PEBP1: variants seen among roughly 807,000 people sequenced by gnomAD.
PEBP1 encodes phosphatidylethanolamine-binding protein 1.
Under a neutral mutation model 22.7 loss-of-function variants are expected in PEBP1, and 17 were observed. The ratio of observed to expected loss-of-function variants is 0.75; its 90% confidence interval spans 0.51 to 1.12. PEBP1 has a LOEUF of 1.12. PEBP1 is among the 50% of genes most tolerant of loss of function. The probability of loss-of-function intolerance (pLI) is 0.00; values close to 1 mark genes in which losing one functional copy is unlikely to be tolerated. For missense variants in PEBP1, 205 were observed against 243.5 expected, an observed-to-expected ratio of 0.84 and a Z score of 1.05; for synonymous variants, 106 against 104.3, an observed-to-expected ratio of 1.02 and a Z score of -0.10.
At position 118,144,847 on chromosome 12, in the gene PEBP1, A is replaced by G. The variant is rs752418222; in HGVS notation, c.*44A>G. 1.2e-6 allele frequency: 2 copies of G among 1,612,326 alleles called. No homozygotes were observed. Among genetic ancestry groups the G allele is most frequent in the Admixed American group, 3.3e-5 (2 of 60,004 alleles). On this transcript the variant is annotated 3_prime_UTR_variant, in exon 4 of 4. Transcript: ENST00000261313. ...TGAACTGTCCTGGAGGCCCCAAGCC[A>G]TGTTCCCCAGTTCAGTGTTGCATGT... is the stretch of plus-strand genomic sequence containing the variant.
At chr12:118,137,935 C>A in intron 1 of PEBP1, 104 bp from the exon 2 acceptor site, 1 of 754,112 alleles carries the variant, frequency 1.3e-6, no homozygotes, top group Non-Finnish European at 2.3e-6. Context: ...GATCCTCTCT[C>A]CTAGGCCTCC....
intron 3 of PEBP1, among the ~76,000 whole-genome samples, chr12:118,142,246 G>A (rs979047789): frequency 5.4e-5 from 8 of 147,686 alleles, no homozygotes; most frequent in Non-Finnish European, 8.9e-5. Flanking sequence ...AGGCTGGAGT[G>A]CAATGGTGTG....
intron 2 of PEBP1, among the ~76,000 whole-genome samples, chr12:118,138,568 T>A (rs1219999367): frequency 2.6e-5 from 4 of 151,836 alleles, no homozygotes; most frequent in Non-Finnish European, 4.4e-5. Context: ...CTGGCTAATT[T>A]TTGTATTTTT....
rs1283077154 is a variant in PEBP1, at chr12:118,136,189, C to G, written c.-21C>G. 2.6e-6 allele frequency: 4 copies of G among 1,542,798 alleles called. No individual in the cohort carries two copies. In the East Asian group the frequency reaches 7.3e-5, roughly 28 times the overall value. ...TGGCCTACCGCGGCACTCCCGGCTGCACGCTCTGCTTGGCCTCGCCATGCC... is the reference window on the plus strand; with the variant it reads ...TGGCCTACCGCGGCACTCCCGGCTGGACGCTCTGCTTGGCCTCGCCATGCC... On this transcript the variant is annotated 5_prime_UTR_variant, in exon 1 of 4. Coordinates refer to ENST00000261313, the MANE Select transcript of PEBP1 (RefSeq NM_002567.4). This position sits in a 1 kb window ranked among gnomAD's most constrained non-coding sequence, Gnocchi z 5.6.
intron 2 of PEBP1, among the ~76,000 whole-genome samples, chr12:118,138,356 A>G (rs908911216): frequency 4.6e-5 from 7 of 152,100 alleles, no homozygotes; most frequent in Admixed American, 1.3e-4. Flanking sequence ...GCCTGTTTTT[A>G]TACAGCCCCA....
chr12:118,142,247 C>T (rs763274559), intron 3 of PEBP1, among the ~76,000 whole-genome samples: 120 of 146,860 alleles, frequency 8.2e-4, no homozygotes, highest in Admixed American at 1.9e-3. Context: ...GGCTGGAGTG[C>T]AATGGTGTGA....
At position 118,144,194 on chromosome 12, in the gene PEBP1, T is replaced by A. The variant is rs181406722; in HGVS notation, c.347-392T>A. ...GTGAAATGGGTGTTCTGATGGGGGG[T>A]GGTGGGTGGTGACTTGAGAAGGTCC... On this transcript the variant is annotated intron_variant, in intron 3 of 3. Coordinates refer to ENST00000261313, the MANE Select transcript of PEBP1 (RefSeq NM_002567.4). 4.8e-4 allele frequency among the ~76,000 whole-genome samples: 72 copies of A among 149,806 alleles called. No individual in the cohort carries two copies. The East Asian group carries it at 0.013, about 28-fold the overall frequency.
chr12:118,138,275 G>A, intron 2 of PEBP1, 127 bp downstream of exon 2: 1 of 674,140 alleles, frequency 1.5e-6, no homozygotes, highest in Non-Finnish European at 2.6e-6. Context: ...GCCAGAGAGT[G>A]CCTTTCCTGC....
At position 118,144,594 on chromosome 12, in the gene PEBP1, C is replaced by T. The variant is rs746971283; in HGVS notation, c.355C>T (p.Arg119Cys). The change falls in exon 4 of 4, where the codon CGC becomes TGC. Residue 119 changes from arginine (R) to cysteine (C), a missense_variant. Physicochemically the swap from Arg to Cys is radical, Grantham distance 180. Coordinates refer to ENST00000261313, the MANE Select transcript of PEBP1 (RefSeq NM_002567.4). ...SGPPKGTGLH[R>C]YVWLVYEQDR... ...TCTGCCTCTCCCCACAGGCCTCCACCGCTATGTCTGGCTGGTTTACGAGCA... is the reference window on the plus strand; with the variant it reads ...TCTGCCTCTCCCCACAGGCCTCCACTGCTATGTCTGGCTGGTTTACGAGCA... The T allele has an allele frequency of 2.9e-5, 46 of 1,612,534 alleles. No individual in the cohort carries two copies. Among genetic ancestry groups the T allele is most frequent in the Non-Finnish European group, 3.4e-5 (40 of 1,179,426 alleles).
intron 1 of PEBP1, among the ~76,000 whole-genome samples, chr12:118,137,387 T>A (rs1485363036): frequency 6.6e-6 from 1 of 151,978 alleles, no homozygotes; most frequent in African/African-American, 2.4e-5. Flanking sequence ...AGACCCCAAC[T>A]CTACAAAAAA....
At position 118,136,272 on chromosome 12, in the gene PEBP1, G is replaced by T; in HGVS notation, c.63G>T (p.Pro21=). The T allele has an allele frequency of 6.5e-7, 1 of 1,547,064 alleles. No homozygotes were observed. ...PLSLQEVDEQ[P]QHPLHVTYAG... Reference sequence around the variant, plus strand: ...GCCTGCAAGAAGTGGACGAGCAGCCGCAGCACCCGCTGCATGTCACCTACG... The same window carrying T: ...GCCTGCAAGAAGTGGACGAGCAGCCTCAGCACCCGCTGCATGTCACCTACG... Residue 21 remains proline, a synonymous_variant, in exon 1 of 4, where the codon CCG becomes CCT. Coordinates refer to ENST00000261313, the MANE Select transcript of PEBP1 (RefSeq NM_002567.4). The surrounding 1 kb of genome is among the most constrained non-coding windows in gnomAD (Gnocchi z 5.6).
At chr12:118,140,155 G>A (rs1293944981) in intron 3 of PEBP1, among the ~76,000 whole-genome samples, 1 of 152,110 alleles carries the variant, frequency 6.6e-6, no homozygotes, top group Non-Finnish European at 1.5e-5. Context: ...AAAGCCCACC[G>A]TATTGAAACT....
intron 3 of PEBP1, among the ~76,000 whole-genome samples, chr12:118,143,853 C>T (rs904920244): frequency 2.7e-5 from 4 of 147,964 alleles, no homozygotes; most frequent in African/African-American, 7.5e-5. Context: ...TGTAGTGAGC[C>T]GAGATCATGC....
rs763334745 is a variant in PEBP1 at position 118,144,553 on chromosome 12, G to T, written c.347-33G>T. ...ATGTCCCCATCTCAAGTGCTGGGCT[G>T]TGTGTACATCTTCCCTCTGCCTCTC... On this transcript the variant is annotated intron_variant, in intron 3 of 3. Coordinates refer to ENST00000261313, the MANE Select transcript of PEBP1 (RefSeq NM_002567.4). 28 of 1,587,284 alleles carry T rather than the reference G, an allele frequency of 1.8e-5. No individual in the cohort carries two copies. In the East Asian group the frequency reaches 4.8e-4, roughly 27 times the overall value.
chr12:118,136,252 C>T lies in PEBP1; in HGVS notation c.43C>T (p.Gln15Ter). The T allele has an allele frequency of 4.5e-6, 7 of 1,547,304 alleles. No individual in the cohort carries two copies. Among genetic ancestry groups the T allele is most frequent in the Non-Finnish European group, 6.1e-6 (7 of 1,146,622 alleles). Reference sequence around the variant, plus strand: ...CAAGTGGTCCGGGCCCTTGAGCCTGCAAGAAGTGGACGAGCAGCCGCAGCA... The same window carrying T: ...CAAGTGGTCCGGGCCCTTGAGCCTGTAAGAAGTGGACGAGCAGCCGCAGCA... ...LSKWSGPLSL[Q>*]EVDEQPQHPL... Residue 15 changes from glutamine (Q) to a stop codon, truncating the protein, a stop_gained, in exon 1 of 4, where the codon CAA becomes TAA. Transcript: ENST00000261313. LOFTEE classifies it high-confidence loss of function. This position sits in a 1 kb window ranked among gnomAD's most constrained non-coding sequence, Gnocchi z 5.6.
chr12:118,141,261 C>T (rs991235348), intron 3 of PEBP1, among the ~76,000 whole-genome samples: 7 of 152,060 alleles, frequency 4.6e-5, no homozygotes, highest in Non-Finnish European at 8.8e-5. Flanking sequence ...GGATGACAGG[C>T]GCCCACCACC....
chr12:118,141,326 A>G (rs1250918660), intron 3 of PEBP1, among the ~76,000 whole-genome samples: 1 of 152,134 alleles, frequency 6.6e-6, no homozygotes, highest in Non-Finnish European at 1.5e-5. Flanking sequence ...CATGTTGGCC[A>G]GGCTGGTCTC....
chr12:118,137,478 G>C lies in PEBP1; in HGVS notation c.136-561G>C, dbSNP rs558948317. ...AGGTGGGAGGATCGATCGATTGAGC[G>C]CTGGAGGTTGAGGCTACAGTGAGCC... On this transcript the variant is annotated intron_variant, in intron 1 of 3. Coordinates refer to ENST00000261313, the MANE Select transcript of PEBP1 (RefSeq NM_002567.4). 9.2e-5 allele frequency among the ~76,000 whole-genome samples: 14 copies of C among 152,226 alleles called. No homozygotes were observed. In the South Asian group the frequency reaches 2.5e-3, roughly 27 times the overall value.
chr12:118,137,082 G>C (rs1045126790), intron 1 of PEBP1, among the ~76,000 whole-genome samples: 3 of 152,126 alleles, frequency 2.0e-5, no homozygotes, highest in African/African-American at 7.2e-5. Flanking sequence ...ATCTAACACA[G>C]CCTCCCTTTT....
Sources: gnomAD v4.1 joint callset for allele counts (sites outside exome capture counted in the v4.1 genomes callset) on GRCh38, gnomAD v4.1.1 for gene constraint, Gnocchi (gnomAD v3.1) non-coding constraint, MANE v1.5 for transcripts, NCBI Gene and HGNC (gene_info 2026-07-23, HGNC 2026-07-21) for gene names.